FBXL20: variants seen among roughly 807,000 people sequenced by gnomAD.
The protein encoded by FBXL20 is F-box/LRR-repeat protein 20.
A neutral mutation model predicts 64.0 loss-of-function variants in FBXL20; 11 were observed. The observed-to-expected ratio is 0.17, with a 90% CI of 0.11 to 0.28. The LOEUF (loss-of-function observed/expected upper bound fraction) is 0.28. Ranked by LOEUF, FBXL20 falls within the 10% of genes least tolerant of loss-of-function variation. The pLI, the probability that FBXL20 is intolerant of heterozygous loss-of-function variation, is 1.00. For synonymous variants in FBXL20, 184 were observed against 189.0 expected, an observed-to-expected ratio of 0.97 and a Z score of 0.22; for missense variants, 303 against 526.2, an observed-to-expected ratio of 0.58 and a Z score of 4.15.
chr17:39,345,730 AG>A (rs1206867051), intron 1 of FBXL20, among the ~76,000 whole-genome samples: 2 of 152,050 alleles, frequency 1.3e-5, no homozygotes, highest in Non-Finnish European at 2.9e-5. Context: ...TAGTAGAGAC[AG>A]GGTTTCACCA....
intron 1 of FBXL20, 108 bp downstream of exon 1, chr17:39,401,253 G>C: frequency 1.3e-6 from 2 of 1,587,176 alleles, no homozygotes; most frequent in Non-Finnish European, 1.7e-6. Context: ...CCGCCAGTGG[G>C]TGGGTGACGG....
At chr17:39,272,651 A>G (rs1349008416) in intron 10 of FBXL20, among the ~76,000 whole-genome samples, 2 of 147,420 alleles carry the variant, frequency 1.4e-5, no homozygotes, top group African/African-American at 5.0e-5. Context: ...ACAGTGAGCC[A>G]AGATCATGCC....
chr17:39,388,491 T>A (rs1415721045), intron 1 of FBXL20, among the ~76,000 whole-genome samples: 1 of 149,464 alleles, frequency 6.7e-6, no homozygotes, highest in African/African-American at 2.5e-5. Context: ...TTTTTTTAAT[T>A]TTTTTTTTTT....
chr17:39,388,618 G>C (rs573813356), intron 1 of FBXL20, among the ~76,000 whole-genome samples: 1 of 151,032 alleles, frequency 6.6e-6, no homozygotes, highest in Admixed American at 6.6e-5. Context: ...CGAGTAGCTG[G>C]GACAACAGGC....
In FBXL20 at chr17:39,354,783, G is replaced by T. The variant is rs551282224; in HGVS notation, c.43-11542C>A. 6.6e-5 allele frequency among the ~76,000 whole-genome samples: 10 copies of T among 152,248 alleles called. No individual in the cohort carries two copies. The East Asian group carries it at 9.6e-4, about 15-fold the overall frequency. On this transcript the variant is annotated intron_variant, in intron 1 of 14. Transcript: ENST00000264658. Reference sequence around the variant, plus strand: ...CCCATTTAGCAAATAAGATATGAATGATATCAGCACAGCAATAGACAGACT... The same window carrying T: ...CCCATTTAGCAAATAAGATATGAATTATATCAGCACAGCAATAGACAGACT...
chr17:39,363,442 C>A (rs1036018482), intron 1 of FBXL20, among the ~76,000 whole-genome samples: 1 of 152,112 alleles, frequency 6.6e-6, no homozygotes, highest in Admixed American at 6.6e-5. Context: ...CAGGTGTGAG[C>A]CACCACACCT....
chr17:39,315,853 G>GAGAA (rs1232845475), intron 2 of FBXL20, among the ~76,000 whole-genome samples: 8 of 151,128 alleles, frequency 5.3e-5, no homozygotes, highest in Non-Finnish European at 1.0e-4. Flanking sequence ...GAGAGAGAGA[G>GAGAA]AGAGAGAGAG....
chr17:39,350,455 C>G (rs2047677014), intron 1 of FBXL20, among the ~76,000 whole-genome samples: 1 of 151,074 alleles, frequency 6.6e-6, no homozygotes, highest in African/African-American at 2.4e-5. Context: ...TGCCATGGCA[C>G]TCCAGCCTGG....
Position 39,264,229 on chromosome 17 carries a change from C to A in FBXL20, c.1149G>T (p.Arg383=). ...TTTGCTGGCAGTCATAGAGTTCTAT[C>A]CGCTCAAGGCTATGACAGCTCTTCA... ...EHLKSCHSLE[R]IELYDCQQIT... Residue 383 remains arginine (R), a synonymous_variant, in exon 14 of 15, where the codon CGG becomes CGT. Coordinates refer to ENST00000264658, the MANE Select transcript of FBXL20 (RefSeq NM_032875.3). 1.9e-6 allele frequency: 3 copies of A among 1,614,232 alleles called. No homozygotes were observed. The highest frequency in any genetic ancestry group is 2.5e-6 in the Non-Finnish European group (3 of 1,180,040).
intron 1 of FBXL20, among the ~76,000 whole-genome samples, chr17:39,365,002 C>T (rs1272107171): frequency 2.0e-5 from 3 of 152,024 alleles, no homozygotes; most frequent in African/African-American, 4.8e-5. Flanking sequence ...TTATGACTCA[C>T]GATCTAAATT....
chr17:39,304,545 C>T (rs971262883), intron 2 of FBXL20, among the ~76,000 whole-genome samples: 1 of 152,170 alleles, frequency 6.6e-6, no homozygotes, highest in Non-Finnish European at 1.5e-5. Context: ...CTGCCTCAGA[C>T]TACCAAAGTG....
chr17:39,284,963 G>C (rs2046976501), intron 7 of FBXL20, among the ~76,000 whole-genome samples: 1 of 150,984 alleles, frequency 6.6e-6, no homozygotes, highest in Admixed American at 6.6e-5. Flanking sequence ...TTTTGAGACA[G>C]AGTCTCACTC....
chr17:39,333,790 G>C (rs1007529292), intron 2 of FBXL20, among the ~76,000 whole-genome samples: 10 of 151,368 alleles, frequency 6.6e-5, no homozygotes, highest in African/African-American at 2.4e-4. Context: ...GCCTCTGCCC[G>C]GCCGCGACCC....
intron 1 of FBXL20, among the ~76,000 whole-genome samples, chr17:39,374,233 A>T (rs1465543715): frequency 1.3e-5 from 2 of 151,144 alleles, no homozygotes; most frequent in East Asian, 3.9e-4. Flanking sequence ...TCAAAGAAAA[A>T]AAGAAAAAAA....
chr17:39,317,241 T>C (rs1407304637), intron 2 of FBXL20, among the ~76,000 whole-genome samples: 1 of 151,756 alleles, frequency 6.6e-6, no homozygotes, highest in African/African-American at 2.4e-5. Context: ...TGCTTTTCTT[T>C]CCCCCCATGA....
chr17:39,354,024 T>C (rs963605256), intron 1 of FBXL20, among the ~76,000 whole-genome samples: 1 of 152,196 alleles, frequency 6.6e-6, no homozygotes, highest in Non-Finnish European at 1.5e-5. Flanking sequence ...CTGTGTAATG[T>C]ACATTTAAAA....
chr17:39,284,173 T>TA (rs1447529818), intron 7 of FBXL20, among the ~76,000 whole-genome samples: 1 of 152,216 alleles, frequency 6.6e-6, no homozygotes, highest in Non-Finnish European at 1.5e-5. Flanking sequence ...TAGATTTTCT[T>TA]AGCTGTAAAA....
intron 2 of FBXL20, among the ~76,000 whole-genome samples, chr17:39,312,362 C>T (rs552693550): frequency 1.3e-5 from 2 of 150,890 alleles, no homozygotes; most frequent in South Asian, 2.1e-4. Flanking sequence ...TGCAGTGAGC[C>T]GAGATTGTGC....
chr17:39,270,263 G>C (rs1009455740), intron 11 of FBXL20, among the ~76,000 whole-genome samples: 2 of 152,104 alleles, frequency 1.3e-5, no homozygotes, highest in African/African-American at 4.8e-5. Flanking sequence ...AAGTCTCATG[G>C]GTGGGTGCAG....
Sources: allele counts gnomAD v4.1 joint callset (sites outside exome capture counted in the v4.1 genomes callset), GRCh38; gene constraint gnomAD v4.1.1; transcripts MANE v1.5; gene names NCBI Gene and HGNC (gene_info 2026-07-23, HGNC 2026-07-21).